The following SLCO1A2 variants were observed in gnomAD, a reference collection of about 807,000 sequenced individuals.
SLCO1A2 encodes solute carrier organic anion transporter family member 1A2.
Under a neutral mutation model 69.0 loss-of-function variants are expected in SLCO1A2, and 67 were observed. The observed-to-expected ratio is 0.97, with a 90% CI of 0.80 to 1.19. The LOEUF is 1.19. SLCO1A2 is among the 50% of genes most tolerant of loss of function. The probability of loss-of-function intolerance (pLI) is 0.00; values close to 1 mark genes in which losing one functional copy is unlikely to be tolerated. For synonymous variants in SLCO1A2, 260 were observed against 265.9 expected (o/e 0.98, Z 0.22); for missense variants, 787 against 793.7 (o/e 0.99, Z 0.10).
At chr12:21,409,838 G>A (rs1941879341) in intron 1 of SLCO1A2, among the ~76,000 whole-genome samples, 1 of 152,132 alleles carries the variant, frequency 6.6e-6, no homozygotes, top group African/African-American at 2.4e-5. Flanking sequence ...AACACATTAT[G>A]TGTGTTCTCT....
intron 2 of SLCO1A2, among the ~76,000 whole-genome samples, chr12:21,349,975 C>T (rs1937797974): frequency 1.3e-5 from 2 of 152,156 alleles, no homozygotes; most frequent in Non-Finnish European, 2.9e-5. Context: ...ACTTCCCCTT[C>T]CCAACATTCA....
chr12:21,400,404 T>C (rs1229913329), upstream of SLCO1A2, among the ~76,000 whole-genome samples: 1 of 151,470 alleles, frequency 6.6e-6, no homozygotes, highest in Admixed American at 6.6e-5. Context: ...TGTGGAGAAA[T>C]AGGAACACTT....
At chr12:21,371,324 C>A (rs1939772680) in intron 2 of SLCO1A2, among the ~76,000 whole-genome samples, 2 of 152,122 alleles carry the variant, frequency 1.3e-5, no homozygotes. Context: ...GGAGTCTAGT[C>A]CTGCCTCCTA....
chr12:21,304,535 C>T lies in SLCO1A2; in HGVS notation c.481G>A (p.Val161Ile), dbSNP rs760334473. 15 of 1,612,258 alleles carry T rather than the reference C, an allele frequency of 9.3e-6. No individual in the cohort carries two copies. The highest frequency in any genetic ancestry group is 1.2e-5 in the Non-Finnish European group (14 of 1,178,912). ...CCACGTACAATATTGCCTACTAGGACGTACACCCACATTAATGATTTAACT... is the reference window on the plus strand; with the variant it reads ...CCACGTACAATATTGCCTACTAGGATGTACACCCACATTAATGATTTAACT... ...KEVKSLMWVY[V>I]LVGNIVRGMG... The change falls in exon 6 of 15, where the codon GTC becomes ATC. Residue 161 changes from valine to isoleucine, a missense_variant. Val to Ile is a conservative substitution (Grantham distance 29). Coordinates refer to ENST00000683939, the MANE Select transcript of SLCO1A2 (RefSeq NM_001386879.1).
intron 2 of SLCO1A2, among the ~76,000 whole-genome samples, chr12:21,361,866 A>T (rs1405719682): frequency 1.3e-5 from 2 of 152,162 alleles, no homozygotes; most frequent in African/African-American, 4.8e-5. Context: ...AAAGAAATGA[A>T]CAAAGCCTCC....
intron 1 of SLCO1A2, among the ~76,000 whole-genome samples, chr12:21,386,338 GC>G (rs1320590179): frequency 3.9e-5 from 6 of 152,064 alleles, no homozygotes; most frequent in Non-Finnish European, 8.8e-5. Context: ...AAAGCCCTTA[GC>G]ATATAACAAT....
intron 1 of SLCO1A2, among the ~76,000 whole-genome samples, chr12:21,376,553 A>G (rs912839325): frequency 1.3e-5 from 2 of 152,154 alleles, no homozygotes; most frequent in Non-Finnish European, 2.9e-5. Flanking sequence ...CTTTGCCCAG[A>G]TAATTTGTTC....
At chr12:21,301,102 A>G in intron 7 of SLCO1A2, 69 bp downstream of exon 7, 1 of 907,134 alleles carries the variant, frequency 1.1e-6, no homozygotes, top group Non-Finnish European at 1.6e-6. Context: ...GGCCATGATT[A>G]TATATGATAA....
chr12:21,318,176 A>G (rs143966858), intron 3 of SLCO1A2, among the ~76,000 whole-genome samples: 3,622 of 149,922 alleles, frequency 0.024, 57 homozygotes, highest in Middle Eastern at 0.045. Context: ...GCTGGAGTGC[A>G]GTGGCAATCT....
chr12:21,279,760 C>A (rs78888741), intron 12 of SLCO1A2, among the ~76,000 whole-genome samples: 14,529 of 152,078 alleles, frequency 0.096, 933 homozygotes, highest in Non-Finnish European at 0.15. Context: ...TCTGAAGGTA[C>A]AAAGATCACT....
intron 2 of SLCO1A2, among the ~76,000 whole-genome samples, chr12:21,346,251 CA>C (rs1953248013): frequency 6.6e-6 from 1 of 152,040 alleles, no homozygotes; most frequent in Non-Finnish European, 1.5e-5. Flanking sequence ...ATCCGTAAAA[CA>C]ATATTCTTGG....
chr12:21,372,961 A>T (rs547030424), intron 2 of SLCO1A2: 7 of 241,360 alleles, frequency 2.9e-5, no homozygotes, highest in Non-Finnish European at 4.0e-5. Context: ...CTTTCTTTCT[A>T]TCAGAAGCAT....
At chr12:21,382,339 T>G (rs1940637488) in intron 1 of SLCO1A2, among the ~76,000 whole-genome samples, 1 of 151,022 alleles carries the variant, frequency 6.6e-6, no homozygotes, top group African/African-American at 2.4e-5. Context: ...AGCGGGAGGG[T>G]GAGAGGGGGC....
chr12:21,378,026 G>C (rs1940329374), intron 1 of SLCO1A2, among the ~76,000 whole-genome samples: 1 of 152,110 alleles, frequency 6.6e-6, no homozygotes, highest in Admixed American at 6.5e-5. Flanking sequence ...AACATTGACT[G>C]TAATGAAAGA....
At chr12:21,273,782 A>T (rs1312675330) in intron 14 of SLCO1A2, among the ~76,000 whole-genome samples, 1 of 152,128 alleles carries the variant, frequency 6.6e-6, no homozygotes, top group Non-Finnish European at 1.5e-5. Context: ...ATACTTCTTG[A>T]TATGTGTCCT....
Position 21,300,503 on chromosome 12 carries a change from C to T in SLCO1A2, c.755G>A (p.Cys252Tyr). 2 of 1,613,390 alleles carry T rather than the reference C, an allele frequency of 1.2e-6. No individual in the cohort carries two copies. The highest frequency in any genetic ancestry group is 2.2e-5 in the South Asian group (2 of 91,030). The change falls in exon 8 of 15, where the codon TGT becomes TAT. Residue 252 changes from cysteine (C) to tyrosine (Y), a missense_variant. Cys to Tyr is a radical substitution (Grantham distance 194). Transcript: ENST00000683939. ...GGCAGTGAGCACGTTAACTCCTGCA[C>T]AAATCAGAAAGCCAAACCACCATGC... is the stretch of plus-strand genomic sequence containing the variant. The part of the protein sequence containing the change: ...VGAWWFGFLI[C>Y]AGVNVLTAIP...
At chr12:21,276,362 C>T (rs1195087821) in intron 12 of SLCO1A2, among the ~76,000 whole-genome samples, 3 of 149,138 alleles carry the variant, frequency 2.0e-5, no homozygotes, top group Non-Finnish European at 3.0e-5. Flanking sequence ...TCTACTTATG[C>T]GTAGAGATGA....
At chr12:21,415,544 C>T (rs1941975637) in intron 1 of SLCO1A2, among the ~76,000 whole-genome samples, 1 of 152,002 alleles carries the variant, frequency 6.6e-6, no homozygotes, top group African/African-American at 2.4e-5. Flanking sequence ...TTCTGAAGAA[C>T]AATTTGGCTC....
At chr12:21,340,539 T>C (rs951843593) in intron 2 of SLCO1A2, among the ~76,000 whole-genome samples, 2 of 152,044 alleles carry the variant, frequency 1.3e-5, no homozygotes, top group African/African-American at 4.8e-5. Context: ...TTAGCTCCAT[T>C]AGCACAGCAC....
Sources: allele counts gnomAD v4.1 joint callset (sites outside exome capture counted in the v4.1 genomes callset), GRCh38; gene constraint gnomAD v4.1.1; transcripts MANE v1.5; gene names NCBI Gene and HGNC (gene_info 2026-07-23, HGNC 2026-07-21).